MYO9A: variants seen among roughly 807,000 people sequenced by gnomAD.
MYO9A encodes the protein unconventional myosin-IXa.
A neutral mutation model predicts 293.3 loss-of-function variants in MYO9A; 103 were observed. That is an observed-to-expected ratio of 0.35 (90% CI 0.30 to 0.41). The LOEUF (loss-of-function observed/expected upper bound fraction) is 0.41. Ranked by LOEUF, MYO9A falls within the 10% of genes least tolerant of loss-of-function variation. MYO9A has a pLI of 1.00. For synonymous variants in MYO9A, 1,001 were observed against 1,035.7 expected (o/e 0.97, Z 0.64); for missense variants, 2,685 against 3,033.0 (o/e 0.89, Z 2.69).
intron 1 of MYO9A, among the ~76,000 whole-genome samples, chr15:72,078,309 T>A (rs1463303014): frequency 6.6e-6 from 1 of 151,772 alleles, no homozygotes; most frequent in Non-Finnish European, 1.5e-5. Context: ...GCCTGGGCAA[T>A]GTGGTGTGAC....
At chr15:71,899,584 A>T (rs999373193) in intron 24 of MYO9A, 103 bp downstream of exon 24, 1 of 1,034,878 alleles carries the variant, frequency 9.7e-7, no homozygotes, top group Non-Finnish European at 1.4e-6. Context: ...GACAAATTGT[A>T]TACAACCAAT....
intron 1 of MYO9A, among the ~76,000 whole-genome samples, chr15:72,101,284 A>G (rs1596575175): frequency 9.1e-6 from 1 of 110,274 alleles, no homozygotes; most frequent in Non-Finnish European, 1.9e-5. Flanking sequence ...CCCGTCAGGG[A>G]GGGAGGTGGG....
intron 12 of MYO9A, among the ~76,000 whole-genome samples, chr15:71,969,369 G>A (rs2075956894): frequency 6.6e-6 from 1 of 152,172 alleles, no homozygotes; most frequent in African/African-American, 2.4e-5. Flanking sequence ...AGAGACAACA[G>A]CACAGCTCCT....
chr15:71,949,151 C>A (rs1415063550), intron 15 of MYO9A, among the ~76,000 whole-genome samples: 3 of 152,030 alleles, frequency 2.0e-5, no homozygotes, highest in Admixed American at 1.3e-4. Context: ...GTGTAGTTTT[C>A]CTTCGTATTT....
At chr15:71,939,673 A>G (rs2058724636) in intron 15 of MYO9A, among the ~76,000 whole-genome samples, 1 of 152,216 alleles carries the variant, frequency 6.6e-6, no homozygotes, top group African/African-American at 2.4e-5. Flanking sequence ...TGAATATAAA[A>G]GAAATTGCTT....
chr15:72,020,062 C>G (rs2077458404), intron 5 of MYO9A, among the ~76,000 whole-genome samples: 1 of 152,070 alleles, frequency 6.6e-6, no homozygotes, highest in Non-Finnish European at 1.5e-5. Flanking sequence ...AAAGATGTAA[C>G]TTTCATAACC....
At position 72,099,422 on chromosome 15, in the gene MYO9A, C is replaced by CAAAAAAA. The variant is rs57019438; in HGVS notation, c.-72+18251_-72+18257dup. Among the ~76,000 whole-genome samples, 3 of 90,174 alleles carry CAAAAAAA rather than the reference C, an allele frequency of 3.3e-5. 1 individual carries two copies. Among genetic ancestry groups the CAAAAAAA allele is most frequent in the African/African-American group, 5.2e-5 (1 of 19,312 alleles). 59.2% of individuals were successfully genotyped at this position (90,174 alleles called of 152,430 possible). A position where few individuals can be genotyped will look rare whatever the true frequency, so the allele number is the denominator to read the frequency against. On this transcript the variant is annotated intron_variant, in intron 1 of 41. Transcript: ENST00000356056. ...TGGGCAATAGAGCAAGACCCTGCCC[C>CAAAAAAA]AAAAAAAAAAAAAAAAAAAAGAAAA...
chr15:72,118,199 T>G, upstream of MYO9A: 1 of 353,886 alleles, frequency 2.8e-6, no homozygotes, highest in Non-Finnish European at 5.0e-6. Context: ...CCCCGCCCTG[T>G]CCCGCCCCCG....
intron 1 of MYO9A, among the ~76,000 whole-genome samples, chr15:72,057,003 A>C (rs2149897126): frequency 6.6e-6 from 1 of 152,254 alleles, no homozygotes; most frequent in African/African-American, 2.4e-5. Flanking sequence ...GCTACTCAGG[A>C]GGCCGAGGCA....
At chr15:71,981,391 T>A (rs1207644674) in intron 11 of MYO9A, among the ~76,000 whole-genome samples, 3 of 152,260 alleles carry the variant, frequency 2.0e-5, no homozygotes, top group African/African-American at 7.2e-5. Context: ...AATTTACCCG[T>A]GGAGCCACCA....
chr15:72,068,611 GA>G (rs1271353660), intron 1 of MYO9A, among the ~76,000 whole-genome samples: 7 of 151,840 alleles, frequency 4.6e-5, no homozygotes, highest in Non-Finnish European at 1.0e-4. Flanking sequence ...GACTACAAGT[GA>G]CAGCCATCAT....
rs1477975465 is a variant in MYO9A at position 71,830,274 on chromosome 15, G to A, written c.6875C>T (p.Pro2292Leu). Residue 2292 changes from proline to leucine, a missense_variant, in exon 40 of 42, where the codon CCA becomes CTA. Transcript: ENST00000356056. ...CAACCGAACTACAACAGGAGACGAT[G>A]GACCTGGATAGTTTCCTCGACGAAT... ...GRIRRGNYPGPSSPVVVRLPS... is the reference protein window; with the variant it reads ...GRIRRGNYPGLSSPVVVRLPS... The A allele has an allele frequency of 1.2e-6, 2 of 1,613,834 alleles. No individual in the cohort carries two copies. Among genetic ancestry groups the A allele is most frequent in the Admixed American group, 1.7e-5 (1 of 59,938 alleles).
chr15:71,865,221 G>T (rs2056283589), intron 32 of MYO9A, among the ~76,000 whole-genome samples: 1 of 152,212 alleles, frequency 6.6e-6, no homozygotes, highest in African/African-American at 2.4e-5. Flanking sequence ...AGTTTTACTG[G>T]TAATAAATAT....
In MYO9A at chr15:71,824,692, T is replaced by G. The variant is rs1336376263; in HGVS notation, c.*1888A>C. The G allele has an allele frequency of 6.6e-6, 1 of 152,240 alleles. No homozygotes were observed. Among genetic ancestry groups the G allele is most frequent in the Non-Finnish European group, 1.5e-5 (1 of 68,046 alleles). The allele number at this position is 152,240 out of a possible 1,614,324, so 9.4% of individuals were successfully genotyped here. A position where few individuals can be genotyped will look rare whatever the true frequency, so the allele number is the denominator to read the frequency against. On this transcript the variant is annotated 3_prime_UTR_variant, in exon 42 of 42. Coordinates refer to ENST00000356056, the MANE Select transcript of MYO9A (RefSeq NM_006901.4). ...ACTCCTCAGGACAAGATGAACAAGG[T>G]GGCAGATGTCTGTGGGATATAAAGC... is the stretch of plus-strand genomic sequence containing the variant.
chr15:71,871,332 G>A (rs2056505980), intron 32 of MYO9A, among the ~76,000 whole-genome samples: 1 of 152,100 alleles, frequency 6.6e-6, no homozygotes, highest in Admixed American at 6.5e-5. Context: ...ATGTCATTAC[G>A]CCACTGCACT....
In MYO9A at chr15:71,825,285, G is replaced by C. The variant is rs2054431702; in HGVS notation, c.*1295C>G. ...CGAATGGCTCTCATCCCCCTGTCCA[G>C]TGGCCCCTCATCTGTGGGAAGAAAT... On this transcript the variant is annotated 3_prime_UTR_variant, in exon 42 of 42. Coordinates refer to ENST00000356056, the MANE Select transcript of MYO9A (RefSeq NM_006901.4). 1 of 152,190 alleles carries C rather than the reference G, an allele frequency of 6.6e-6. No individual in the cohort carries two copies. The allele number at this position is 152,190 out of a possible 1,614,324, so 9.4% of individuals were successfully genotyped here.
intron 1 of MYO9A, among the ~76,000 whole-genome samples, chr15:72,111,666 T>C (rs2080787396): frequency 2.0e-5 from 3 of 149,576 alleles, no homozygotes; most frequent in Non-Finnish European, 4.4e-5. Flanking sequence ...AGGCAGGGTC[T>C]CACTCTGTTG....
rs563097140 is a variant in MYO9A, at chr15:72,053,770, A to G, written c.-71-7136T>C. Among the ~76,000 whole-genome samples, 41 of 152,338 alleles carry G rather than the reference A, an allele frequency of 2.7e-4. 1 individual carries two copies. Among genetic ancestry groups the G allele is most frequent in the Non-Finnish European group, 5.3e-4 (36 of 68,030 alleles). ...AACCCCTGAAACACACAATTTATCT[A>G]AAGAACCAACCTGTACATGTACTCC... On this transcript the variant is annotated intron_variant, in intron 1 of 41. Coordinates refer to ENST00000356056, the MANE Select transcript of MYO9A (RefSeq NM_006901.4).
chr15:71,955,288 C>T (rs12437582), intron 14 of MYO9A, among the ~76,000 whole-genome samples: 4,138 of 152,160 alleles, frequency 0.027, 158 homozygotes, highest in East Asian at 0.18. Flanking sequence ...CCACCAAGCC[C>T]GGCTAAATTT....
Sources: allele counts gnomAD v4.1 joint callset (sites outside exome capture counted in the v4.1 genomes callset), GRCh38; gene constraint gnomAD v4.1.1; transcripts MANE v1.5; gene names NCBI Gene and HGNC (gene_info 2026-07-23, HGNC 2026-07-21).